The following CDH8 variants were observed in gnomAD, a reference collection of about 807,000 sequenced individuals.
CDH8 encodes cadherin-8.
In CDH8, 17 loss-of-function variants were observed where a neutral mutation model predicts 68.1. The ratio of observed to expected loss-of-function variants is 0.25; its 90% CI spans 0.17 to 0.37. The LOEUF is 0.37. CDH8 is among the 10% of genes least tolerant of loss of function. The probability of loss-of-function intolerance (pLI) is 1.00; values close to 1 mark genes in which losing one functional copy is unlikely to be tolerated. For missense variants in CDH8, 763 were observed against 999.3 expected (o/e 0.76, Z 3.19); for synonymous variants, 372 against 365.1 (o/e 1.02, Z -0.21).
In CDH8 at chr16:61,655,840, C is replaced by T. The variant is rs903809316; in HGVS notation, c.1655-119G>A. 6 of 819,526 alleles carry T rather than the reference C, an allele frequency of 7.3e-6. 1 individual carries two copies. In the Admixed American group the frequency reaches 1.6e-4, roughly 22 times the overall value. 50.8% of individuals were successfully genotyped at this position (819,526 alleles called of 1,614,324 possible). A position where few individuals can be genotyped will look rare whatever the true frequency, so the allele number is the denominator to read the frequency against. ...TCAAGACAATCCCGACTTCAAAGGA[C>T]TGCTCAGGCTTTTTCCCTGACTCGT... On this transcript the variant is annotated intron_variant, in intron 10 of 11. Transcript: ENST00000577390.
chr16:62,022,557 T>A (rs577864791), intron 1 of CDH8, among the ~76,000 whole-genome samples: 1 of 152,146 alleles, frequency 6.6e-6, no homozygotes, highest in Non-Finnish European at 1.5e-5. Context: ...CAAAAAAAAA[T>A]ATTTTTAAAG....
At chr16:61,896,093 A>G (rs78056928) in intron 3 of CDH8, among the ~76,000 whole-genome samples, 3,109 of 152,270 alleles carry the variant, frequency 0.02, 98 homozygotes, top group African/African-American at 0.071. Context: ...ATCCAAATAT[A>G]TATTTAAAAT....
In CDH8 at chr16:61,865,495, A is replaced by G. The variant is rs2143020964; in HGVS notation, c.548-8257T>C. 2.0e-5 allele frequency among the ~76,000 whole-genome samples: 3 copies of G among 152,310 alleles called. 1 individual carries two copies. Among genetic ancestry groups the G allele is most frequent in the South Asian group, 4.1e-4 (2 of 4,824 alleles). On this transcript the variant is annotated intron_variant, in intron 3 of 11. Coordinates refer to ENST00000577390, the MANE Select transcript of CDH8 (RefSeq NM_001796.5). ...GGAAAATATCATATGAAAATGTGTA[A>G]CTGTAGAATCTTAGACACGTTTATA...
intron 2 of CDH8, among the ~76,000 whole-genome samples, chr16:61,910,067 T>C (rs1381519238): frequency 6.6e-6 from 1 of 152,154 alleles, no homozygotes; most frequent in African/African-American, 2.4e-5. Context: ...ATATAATTTC[T>C]AAGATTCTTA....
chr16:61,930,415 CT>C (rs1042993263), intron 2 of CDH8, among the ~76,000 whole-genome samples: 2 of 152,110 alleles, frequency 1.3e-5, no homozygotes, highest in African/African-American at 4.8e-5. Context: ...TGCACCCCAA[CT>C]TAAGAACAGG....
At chr16:61,881,871 A>T (rs113177553) in intron 3 of CDH8, among the ~76,000 whole-genome samples, 2 of 152,298 alleles carry the variant, frequency 1.3e-5, no homozygotes, top group East Asian at 1.9e-4. Context: ...ATCAAATCAG[A>T]CACTGGGGAG....
intron 3 of CDH8, among the ~76,000 whole-genome samples, chr16:61,859,505 G>A (rs1442092274): frequency 2.0e-5 from 3 of 152,160 alleles, no homozygotes; most frequent in Non-Finnish European, 4.4e-5. Flanking sequence ...CAGTTAAAGA[G>A]CAAACCCATA....
chr16:61,684,310 A>G (rs1964064602), intron 10 of CDH8, among the ~76,000 whole-genome samples: 1 of 151,968 alleles, frequency 6.6e-6, no homozygotes. Context: ...GTGAGTGTAA[A>G]TTACTATGTT....
At chr16:61,686,346 C>G (rs959697172) in intron 10 of CDH8, among the ~76,000 whole-genome samples, 1 of 151,920 alleles carries the variant, frequency 6.6e-6, no homozygotes, top group African/African-American at 2.4e-5. Flanking sequence ...GGGCACTGTT[C>G]CCAGAATTGA....
In CDH8 at chr16:61,651,900, C is replaced by T. The variant is rs1380958667; in HGVS notation, c.*1708G>A. 1 of 182,008 alleles carries T rather than the reference C, an allele frequency of 5.5e-6. No homozygotes were observed. Among genetic ancestry groups the T allele is most frequent in the East Asian group, 1.9e-4 (1 of 5,256 alleles). The allele number at this position is 182,008 out of a possible 1,614,324, so 11.3% of individuals were successfully genotyped here. ...TCTCTATAATAAAGAGTCTTACAAACAAAAGTGACCCTTGGGATGATTTGG... is the reference window on the plus strand; with the variant it reads ...TCTCTATAATAAAGAGTCTTACAAATAAAAGTGACCCTTGGGATGATTTGG... On this transcript the variant is annotated 3_prime_UTR_variant, in exon 12 of 12. Coordinates refer to ENST00000577390, the MANE Select transcript of CDH8 (RefSeq NM_001796.5).
At chr16:61,797,655 G>C (rs753808840) in intron 7 of CDH8, among the ~76,000 whole-genome samples, 1 of 152,058 alleles carries the variant, frequency 6.6e-6, no homozygotes, top group Non-Finnish European at 1.5e-5. Context: ...TTAAAACATG[G>C]CATCACAGTG....
chr16:61,704,271 C>T (rs1229845668), intron 10 of CDH8, among the ~76,000 whole-genome samples: 2 of 152,182 alleles, frequency 1.3e-5, no homozygotes, highest in Admixed American at 1.3e-4. Context: ...TTACAAAATG[C>T]TTCTATTTCC....
intron 10 of CDH8, among the ~76,000 whole-genome samples, chr16:61,672,157 T>G (rs1379372086): frequency 6.6e-6 from 1 of 152,074 alleles, no homozygotes; most frequent in Non-Finnish European, 1.5e-5. Context: ...TGTGTGGTAC[T>G]TCCTGGTAGT....
At chr16:62,026,756 C>T (rs528662200) in intron 1 of CDH8, among the ~76,000 whole-genome samples, 2 of 152,300 alleles carry the variant, frequency 1.3e-5, no homozygotes, top group Admixed American at 1.3e-4. Flanking sequence ...CAAGGCAATC[C>T]TGCTAATTCG....
At position 61,943,766 on chromosome 16, in the gene CDH8, T is replaced by C. The variant is rs187489587; in HGVS notation, c.253-42293A>G. ...AGTAGAACAATAAATACAAAATTAA[T>C]ACTACAACATGAAAAGTGAAATAAT... On this transcript the variant is annotated intron_variant, in intron 2 of 11. Transcript: ENST00000577390. Among the ~76,000 whole-genome samples, 501 of 152,300 alleles carry C rather than the reference T, an allele frequency of 3.3e-3. 3 individuals carry two copies. The highest frequency in any genetic ancestry group is 0.012 in the African/African-American group (484 of 41,574).
At chr16:61,774,488 T>C (rs921084941) in intron 8 of CDH8, among the ~76,000 whole-genome samples, 2 of 147,754 alleles carry the variant, frequency 1.4e-5, no homozygotes, top group Non-Finnish European at 3.0e-5. Context: ...GACATAAAGA[T>C]CCAGAAAGCC....
At chr16:61,767,283 C>T (rs916029600) in intron 8 of CDH8, among the ~76,000 whole-genome samples, 6 of 151,910 alleles carry the variant, frequency 3.9e-5, no homozygotes, top group African/African-American at 7.2e-5. Flanking sequence ...GATGTATATC[C>T]GTGCTTGCAA....
At chr16:61,994,538 G>A (rs1217906924) in intron 2 of CDH8, among the ~76,000 whole-genome samples, 1 of 152,148 alleles carries the variant, frequency 6.6e-6, no homozygotes, top group Non-Finnish European at 1.5e-5. Flanking sequence ...AATGTAAAAA[G>A]CTTTATGACT....
chr16:61,916,087 C>T (rs970248469), intron 2 of CDH8, among the ~76,000 whole-genome samples: 3 of 152,166 alleles, frequency 2.0e-5, no homozygotes, highest in Non-Finnish European at 4.4e-5. Flanking sequence ...AACAGATGCT[C>T]ACTATATAAT....
Sources: gnomAD v4.1 joint callset for allele counts (sites outside exome capture counted in the v4.1 genomes callset) on GRCh38, gnomAD v4.1.1 for gene constraint, MANE v1.5 for transcripts, NCBI Gene and HGNC (gene_info 2026-07-23, HGNC 2026-07-21) for gene names.